DOCK8: variants seen among roughly 807,000 people sequenced by gnomAD.
The protein encoded by DOCK8 is dedicator of cytokinesis protein 8.
In DOCK8, 141 loss-of-function variants were observed where a neutral mutation model predicts 245.6. That is an observed-to-expected ratio of 0.57 (90% confidence interval 0.50 to 0.66). The LOEUF is 0.66. DOCK8 is among the 30% of genes least tolerant of loss of function. The probability of loss-of-function intolerance (pLI) is 0.00; values close to 1 mark genes in which losing one functional copy is unlikely to be tolerated. For missense variants in DOCK8, 2,965 were observed against 2,603.4 expected (o/e 1.14, Z -3.02); for synonymous variants, 1,168 against 970.2 (o/e 1.20, Z -3.79).
intron 37 of DOCK8, among the ~76,000 whole-genome samples, chr9:433,483 C>G (rs550087740): frequency 6.6e-6 from 1 of 152,230 alleles, no homozygotes; most frequent in African/African-American, 2.4e-5. Flanking sequence ...CAGGAGGCTT[C>G]TGAGACATGG....
At chr9:368,578 C>T (rs982268239) in intron 15 of DOCK8, 25 of 310,260 alleles carry the variant, frequency 8.1e-5, no homozygotes, top group Non-Finnish European at 5.4e-5. Flanking sequence ...CAAAGTACCG[C>T]CTAGTAATTA....
rs747378940 is a variant in DOCK8 at position 218,875 on chromosome 9, A to G, written c.53+3846A>G. 1.8e-4 allele frequency among the ~76,000 whole-genome samples: 28 copies of G among 152,220 alleles called. 1 individual carries two copies. The highest frequency in any genetic ancestry group is 2.2e-4 in the Non-Finnish European group (15 of 68,032). On this transcript the variant is annotated intron_variant, in intron 1 of 47. Coordinates refer to ENST00000432829, the MANE Select transcript of DOCK8 (RefSeq NM_203447.4). ...GTGGCAGAGACAGTTCTAAATATTT[A>G]CATATCGTAACTCATTCACCTCTAT...
intron 1 of DOCK8, chr9:215,512 G>A: frequency 7.4e-7 from 1 of 1,348,528 alleles, no homozygotes; most frequent in Non-Finnish European, 9.6e-7. Flanking sequence ...GCAAGGCTCC[G>A]TCCTCGCCTG....
At chr9:446,228 A>G (rs550211101) in intron 43 of DOCK8, 142 bp from the exon 44 acceptor site, 10 of 766,372 alleles carry the variant, frequency 1.3e-5, no homozygotes, top group Non-Finnish European at 1.9e-5. Flanking sequence ...TCTGCTGGCC[A>G]CATTCTCCCC....
At chr9:388,288 G>A (rs1228284735) in intron 23 of DOCK8, among the ~76,000 whole-genome samples, 1 of 152,110 alleles carries the variant, frequency 6.6e-6, no homozygotes, top group East Asian at 1.9e-4. Context: ...ACTCACAACA[G>A]CAAACAAATG....
chr9:397,300 G>A (rs574114598), intron 25 of DOCK8, among the ~76,000 whole-genome samples: 2 of 148,978 alleles, frequency 1.3e-5, no homozygotes, highest in South Asian at 2.1e-4. Flanking sequence ...GCAGTGAGCC[G>A]AGATGGTGCC....
intron 6 of DOCK8, chr9:312,605 A>G: frequency 2.8e-6 from 1 of 363,406 alleles, no homozygotes; most frequent in Non-Finnish European, 5.4e-6. Flanking sequence ...GAGCAACCAG[A>G]GAGACCTGCT....
intron 2 of DOCK8, among the ~76,000 whole-genome samples, chr9:272,458 C>G (rs1034292054): frequency 1.3e-5 from 2 of 152,162 alleles, no homozygotes; most frequent in Non-Finnish European, 2.9e-5. Flanking sequence ...TCTCAGCTCA[C>G]TGCAACCTCA....
intron 1 of DOCK8, among the ~76,000 whole-genome samples, chr9:218,627 T>C (rs914444373): frequency 2.0e-5 from 3 of 152,182 alleles, no homozygotes; most frequent in African/African-American, 7.2e-5. Flanking sequence ...CTTTGTAGAT[T>C]ATAAAAATTA....
intron 14 of DOCK8, among the ~76,000 whole-genome samples, chr9:342,154 C>G (rs899547551): frequency 6.6e-6 from 1 of 152,010 alleles, no homozygotes; most frequent in Admixed American, 6.6e-5. Flanking sequence ...CCATCCCCTG[C>G]CCCCCGCTGC....
chr9:397,929 T>A (rs1463856086), intron 25 of DOCK8, among the ~76,000 whole-genome samples: 1 of 152,224 alleles, frequency 6.6e-6, no homozygotes, highest in African/African-American at 2.4e-5. Context: ...AGTTTAAAAT[T>A]GTTTCAGAAT....
intron 46 of DOCK8, among the ~76,000 whole-genome samples, chr9:463,154 G>T (rs1451389126): frequency 1.3e-5 from 2 of 152,064 alleles, no homozygotes; most frequent in African/African-American, 4.8e-5. Flanking sequence ...CTACCCAGGA[G>T]GCTGAGGTAG....
chr9:265,222 G>A (rs1265164400), intron 1 of DOCK8, among the ~76,000 whole-genome samples: 1 of 146,618 alleles, frequency 6.8e-6, no homozygotes, highest in East Asian at 2.1e-4. Context: ...TTGAGCCACC[G>A]TGCCCGGCCT....
Position 446,328 on chromosome 9 carries a change from C to T in DOCK8, c.5581-42C>T, listed in dbSNP as rs200329593. On this transcript the variant is annotated intron_variant, in intron 43 of 47. Coordinates refer to ENST00000432829, the MANE Select transcript of DOCK8 (RefSeq NM_203447.4). ...CCATTGCGTCAGGGATGGCCGTTTG[C>T]AGAATAGCTCATCTTCTCCCTCCGT... 4.4e-4 allele frequency: 684 copies of T among 1,552,396 alleles called. 10 individuals carry two copies. In the South Asian group the frequency reaches 6.1e-3, roughly 14 times the overall value.
At chr9:410,868 C>T (rs1047688257) in intron 28 of DOCK8, among the ~76,000 whole-genome samples, 5 of 152,108 alleles carry the variant, frequency 3.3e-5, no homozygotes, top group Non-Finnish European at 7.4e-5. Context: ...TTACTAAAAT[C>T]ATAATTGAAA....
intron 9 of DOCK8, among the ~76,000 whole-genome samples, chr9:331,528 G>A (rs1341378505): frequency 6.6e-6 from 1 of 152,184 alleles, no homozygotes; most frequent in Non-Finnish European, 1.5e-5. Context: ...TTTGTACTGT[G>A]TTGACCCAAA....
chr9:309,368 T>C (rs1341962798), intron 5 of DOCK8, among the ~76,000 whole-genome samples: 1 of 152,164 alleles, frequency 6.6e-6, no homozygotes, highest in African/African-American at 2.4e-5. Flanking sequence ...TTTTGTGAGG[T>C]AGATGTCACA....
chr9:290,006 T>C (rs1336566), intron 4 of DOCK8, among the ~76,000 whole-genome samples: 34,209 of 152,178 alleles, frequency 0.22, 4,292 homozygotes, highest in Non-Finnish European at 0.28. Context: ...TTTCCTTTTT[T>C]ACTGTCTCCA....
chr9:417,440 A>G (rs1274493742), intron 29 of DOCK8, among the ~76,000 whole-genome samples: 1 of 152,264 alleles, frequency 6.6e-6, no homozygotes, highest in Non-Finnish European at 1.5e-5. Context: ...GGAAAACATG[A>G]GTGAATCAAT....
Sources: allele counts gnomAD v4.1 joint callset (sites outside exome capture counted in the v4.1 genomes callset), GRCh38; gene constraint gnomAD v4.1.1; transcripts MANE v1.5; gene names NCBI Gene and HGNC (gene_info 2026-07-23, HGNC 2026-07-21).